The following CDC42BPA variants were observed in gnomAD, a reference collection of about 807,000 sequenced individuals.
CDC42BPA encodes the protein CDC42 binding protein kinase alpha, also known as serine/threonine-protein kinase MRCK alpha.
Under a neutral mutation model 223.5 loss-of-function variants are expected in CDC42BPA, and 80 were observed. The observed-to-expected ratio is 0.36, with a 90% CI of 0.30 to 0.43. The LOEUF (loss-of-function observed/expected upper bound fraction) is 0.43. Among genes scored for constraint, CDC42BPA ranks in the 20% least tolerant of loss-of-function variants. The pLI is 1.00. For synonymous variants in CDC42BPA, 694 were observed against 718.6 expected (o/e 0.97, Z 0.55); for missense variants, 1,743 against 2,099.9 (o/e 0.83, Z 3.32).
Position 227,233,572 on chromosome 1 carries a change from T to C in CDC42BPA, c.271-20353A>G, listed in dbSNP as rs567139511. ...CTATCAAAGTTATGTTTTTCCTTTA[T>C]TGAAATAATCATGTGATTTTCCTCC... On this transcript the variant is annotated intron_variant, in intron 2 of 36. Transcript: ENST00000366766. Among the ~76,000 whole-genome samples, 3 of 152,322 alleles carry C rather than the reference T, an allele frequency of 2.0e-5. No homozygotes were observed. In the East Asian group the frequency reaches 5.8e-4, roughly 29 times the overall value.
intron 17 of CDC42BPA, among the ~76,000 whole-genome samples, chr1:227,075,728 T>C (rs115445098): frequency 0.01 from 1,550 of 152,222 alleles, 18 homozygotes; most frequent in South Asian, 0.021. Flanking sequence ...ATTATCTTTT[T>C]TAGAATACAA....
At chr1:227,087,156 C>A (rs540028801) in intron 16 of CDC42BPA, among the ~76,000 whole-genome samples, 24 of 152,082 alleles carry the variant, frequency 1.6e-4, no homozygotes, top group Non-Finnish European at 2.5e-4. Context: ...ACATTTTTAA[C>A]CCTGAATCAC....
Position 227,129,248 on chromosome 1 carries a change from A to G in CDC42BPA, c.1391-17T>C. On this transcript the variant is annotated splice_polypyrimidine_tract_variant and intron_variant, in intron 10 of 36. Coordinates refer to ENST00000366766, the MANE Select transcript of CDC42BPA (RefSeq NM_001394014.1). The stretch of plus-strand genomic sequence containing the variant: ...GTGTTGACTCTTTAAAAAAAAGGAT[A>G]AAAGAAATAAAAATATCACCATACT... The G allele has an allele frequency of 6.6e-7, 1 of 1,524,708 alleles. No individual in the cohort carries two copies. Among genetic ancestry groups the G allele is most frequent in the Non-Finnish European group, 8.8e-7 (1 of 1,133,870 alleles). 94.4% of individuals were successfully genotyped at this position (1,524,708 alleles called of 1,614,324 possible). A position where few individuals can be genotyped will look rare whatever the true frequency, so the allele number is the denominator to read the frequency against.
chr1:227,315,152 CT>C (rs1694161217), intron 1 of CDC42BPA, among the ~76,000 whole-genome samples: 1 of 151,954 alleles, frequency 6.6e-6, no homozygotes, highest in South Asian at 2.1e-4. Context: ...TCTTAACTTT[CT>C]TTTTACTCTT....
chr1:227,072,099 GC>G, intron 20 of CDC42BPA, 108 bp downstream of exon 20: 1 of 617,056 alleles, frequency 1.6e-6, no homozygotes, highest in Non-Finnish European at 2.8e-6. Context: ...TGCCAGAATT[GC>G]TTATGTCAAC....
At chr1:227,228,134 C>G (rs1243508325) in intron 2 of CDC42BPA, among the ~76,000 whole-genome samples, 1 of 151,960 alleles carries the variant, frequency 6.6e-6, no homozygotes, top group Non-Finnish European at 1.5e-5. Flanking sequence ...GGGGGCAGGC[C>G]GGGAGAGGGA....
chr1:227,058,730 T>C (rs1241048154), intron 21 of CDC42BPA, among the ~76,000 whole-genome samples: 1 of 152,144 alleles, frequency 6.6e-6, no homozygotes, highest in African/African-American at 2.4e-5. Flanking sequence ...TAGGAAGATA[T>C]TTACAGTTTG....
At chr1:226,996,619 T>G (rs1351942139) in intron 35 of CDC42BPA, among the ~76,000 whole-genome samples, 2 of 152,234 alleles carry the variant, frequency 1.3e-5, no homozygotes, top group African/African-American at 2.4e-5. Context: ...AAATAGCTAT[T>G]ATTTTGAGAT....
intron 2 of CDC42BPA, among the ~76,000 whole-genome samples, chr1:227,244,855 G>C (rs145741855): frequency 7.2e-5 from 11 of 152,342 alleles, no homozygotes; most frequent in Non-Finnish European, 1.5e-4. Context: ...ATGAGGTAGA[G>C]AGAGAGAATA....
chr1:227,186,307 C>G (rs1218058812), intron 5 of CDC42BPA, among the ~76,000 whole-genome samples: 1 of 152,214 alleles, frequency 6.6e-6, no homozygotes, highest in Non-Finnish European at 1.5e-5. Context: ...AAGAGAATAT[C>G]TGCTGCATTC....
rs1694625709 is a variant in CDC42BPA, at chr1:227,317,704, T to C, written c.-522A>G. 2 of 398,160 alleles carry C rather than the reference T, an allele frequency of 5.0e-6. No individual in the cohort carries two copies. The highest frequency in any genetic ancestry group is 1.3e-4 in the South Asian group (1 of 7,784). 24.7% of individuals were successfully genotyped at this position (398,160 alleles called of 1,614,324 possible). A position where few individuals can be genotyped will look rare whatever the true frequency, so the allele number is the denominator to read the frequency against. Reference sequence around the variant, plus strand: ...GAAGGGGGAGGGAAAACCAAAAATGTTGCTGCAAATCCTCCCAACCACCAC... The same window carrying C: ...GAAGGGGGAGGGAAAACCAAAAATGCTGCTGCAAATCCTCCCAACCACCAC... On this transcript the variant is annotated 5_prime_UTR_variant, in exon 1 of 37. Transcript: ENST00000366766.
At chr1:226,998,491 C>G (rs9724937) in intron 35 of CDC42BPA, among the ~76,000 whole-genome samples, 2 of 151,900 alleles carry the variant, frequency 1.3e-5, no homozygotes, top group Non-Finnish European at 1.5e-5. Flanking sequence ...AGTAATGCCA[C>G]GTATCTACAA....
rs190774224 is a variant in CDC42BPA at position 227,282,936 on chromosome 1, T to A, written c.179-28781A>T. 1.5e-3 allele frequency among the ~76,000 whole-genome samples: 228 copies of A among 152,346 alleles called. 2 individuals are homozygous for A. The highest frequency in any genetic ancestry group is 2.4e-3 in the Non-Finnish European group (164 of 68,028). ...TGATCAGGATGGTTGCACAACAATGTGTATGTACTTGATGTCACTGAACTA... is the reference window on the plus strand; with the variant it reads ...TGATCAGGATGGTTGCACAACAATGAGTATGTACTTGATGTCACTGAACTA... On this transcript the variant is annotated intron_variant, in intron 1 of 36. Transcript: ENST00000366766.
intron 3 of CDC42BPA, among the ~76,000 whole-genome samples, chr1:227,201,136 A>T (rs374923452): frequency 1.2e-3 from 19 of 15,238 alleles, no homozygotes; most frequent in African/African-American, 1.7e-3. Context: ...GAACAAAAAT[A>T]AAAAAATAAT....
chr1:227,240,957 T>G (rs1679914329), intron 2 of CDC42BPA, among the ~76,000 whole-genome samples: 2 of 152,044 alleles, frequency 1.3e-5, no homozygotes, highest in South Asian at 4.1e-4. Flanking sequence ...CCACACAGTC[T>G]GAGAAAATAT....
chr1:227,132,574 GTC>G (rs1657400160), intron 10 of CDC42BPA, among the ~76,000 whole-genome samples: 1 of 146,104 alleles, frequency 6.8e-6, no homozygotes, highest in Non-Finnish European at 1.5e-5. Context: ...AGTGAGGAGC[GTC>G]TCTGCCTGGC....
At chr1:227,078,636 A>C (rs1330383882) in intron 17 of CDC42BPA, among the ~76,000 whole-genome samples, 1 of 152,132 alleles carries the variant, frequency 6.6e-6, no homozygotes, top group African/African-American at 2.4e-5. Context: ...TGAAAGGGAT[A>C]TTTCATAGCA....
chr1:227,092,402 ACTTTAGATTATATAGTCAGAGAACGT>A (rs1683244913), intron 15 of CDC42BPA, among the ~76,000 whole-genome samples: 1 of 152,222 alleles, frequency 6.6e-6, no homozygotes, highest in African/African-American at 2.4e-5. Context: ...GAGGGTGGCT[ACTTTAGATTATATAGTCAGAGAACGT>A]ACATCAAGGT....
At chr1:227,146,429 T>C (rs1005806390) in intron 7 of CDC42BPA, among the ~76,000 whole-genome samples, 1 of 152,142 alleles carries the variant, frequency 6.6e-6, no homozygotes, top group Non-Finnish European at 1.5e-5. Flanking sequence ...AAACATTATC[T>C]TTGCAAACAG....
Sources: allele counts gnomAD v4.1 joint callset (sites outside exome capture counted in the v4.1 genomes callset), GRCh38; gene constraint gnomAD v4.1.1; transcripts MANE v1.5; gene names NCBI Gene and HGNC (gene_info 2026-07-23, HGNC 2026-07-21).